PDE6C: variants seen among roughly 807,000 people sequenced by gnomAD.
The protein encoded by PDE6C is phosphodiesterase 6C, also known as cone cGMP-specific 3',5'-cyclic phosphodiesterase subunit alpha'.
PDE6C carries 75 observed loss-of-function variants against 113.1 expected under a neutral mutation model. That is an observed-to-expected ratio of 0.66 (90% CI 0.55 to 0.80). The LOEUF (loss-of-function observed/expected upper bound fraction) is 0.80, where lower values mean the gene tolerates loss of function less well. PDE6C is among the 30% of genes least tolerant of loss of function. The pLI, the probability that PDE6C is intolerant of heterozygous loss-of-function variation, is 0.00. For synonymous variants in PDE6C, 375 were observed against 363.7 expected (o/e 1.03, Z -0.35); for missense variants, 912 against 1,038.6 (o/e 0.88, Z 1.67).
chr10:93,626,552 G>T lies in PDE6C; in HGVS notation c.940-88G>T, dbSNP rs1324208657. On this transcript the variant is annotated intron_variant, in intron 5 of 21. Transcript: ENST00000371447. Reference sequence around the variant, plus strand: ...GTGGTTGGGAAATAAGGTTCTATTTGTAAGAGTTTTAAAGTACAAGTTCCC... The same window carrying T: ...GTGGTTGGGAAATAAGGTTCTATTTTTAAGAGTTTTAAAGTACAAGTTCCC... 22 of 753,258 alleles carry T rather than the reference G, an allele frequency of 2.9e-5. No individual in the cohort carries two copies. The East Asian group carries it at 5.3e-4, about 18-fold the overall frequency. The allele number at this position is 753,258 out of a possible 1,614,324, so 46.7% of individuals were successfully genotyped here.
At chr10:93,658,454 C>G (rs1478164259) in intron 16 of PDE6C, among the ~76,000 whole-genome samples, 2 of 151,788 alleles carry the variant, frequency 1.3e-5, no homozygotes, top group South Asian at 2.1e-4. Context: ...GTTATGGTCT[C>G]TTTTCTCATA....
chr10:93,654,497 G>A (rs1268839790), intron 15 of PDE6C, among the ~76,000 whole-genome samples: 1 of 152,208 alleles, frequency 6.6e-6, no homozygotes, highest in Non-Finnish European at 1.5e-5. Flanking sequence ...CTGGTAGGTA[G>A]TAAGAACTAA....
chr10:93,654,818 T>TTTCTTTC (rs2058628894), intron 15 of PDE6C, among the ~76,000 whole-genome samples: 1 of 126,346 alleles, frequency 7.9e-6, no homozygotes, highest in African/African-American at 2.9e-5. Context: ...TTCTTTTTTT[T>TTTCTTTC]TTTTTTTGAA....
chr10:93,638,960 C>T (rs1344010896), intron 11 of PDE6C, among the ~76,000 whole-genome samples: 1 of 152,174 alleles, frequency 6.6e-6, no homozygotes, highest in African/African-American at 2.4e-5. Flanking sequence ...GCATGGCTGT[C>T]CCCTGAAAAA....
intron 2 of PDE6C, 53 bp from the exon 3 acceptor site, chr10:93,620,838 T>C (rs878873376): frequency 3.1e-6 from 5 of 1,612,962 alleles, no homozygotes; most frequent in Middle Eastern, 1.7e-4. Context: ...ATTTGTTGTA[T>C]AACCAAAGAA....
At chr10:93,635,346 G>A (rs1254342823) in intron 9 of PDE6C, 151 bp from the exon 10 acceptor site, 1 of 650,496 alleles carries the variant, frequency 1.5e-6, no homozygotes, top group Non-Finnish European at 2.7e-6. Flanking sequence ...ATTGTCTGAA[G>A]CTGATTATTA....
intron 15 of PDE6C, among the ~76,000 whole-genome samples, chr10:93,652,148 C>T (rs993575123): frequency 6.6e-6 from 1 of 151,968 alleles, no homozygotes. Context: ...ATAAGAAAAA[C>T]GAGGTGAGCA....
At chr10:93,658,854 C>G (rs374151959) in intron 16 of PDE6C, 47 bp from the exon 17 acceptor site, 1 of 1,124,622 alleles carries the variant, frequency 8.9e-7, no homozygotes. Context: ...TATTTTTTCT[C>G]TCTTTTCATA....
rs2058556639 is a variant in PDE6C, at chr10:93,640,941, T to C, written c.1759T>C (p.Tyr587His). 9.3e-6 allele frequency: 15 copies of C among 1,608,964 alleles called. No homozygotes were observed. The highest frequency in any genetic ancestry group is 1.3e-5 in the Non-Finnish European group (15 of 1,175,316). Residue 587 changes from tyrosine (Y) to histidine (H), a missense_variant, in exon 14 of 22, where the codon TAC becomes CAC. Transcript: ENST00000371447. Reference sequence around the variant, plus strand: ...TTAGACAGGAAGATTAAAGAAGTACTACACAGATCTCGAAGCCTTTGCCAT... The same window carrying C: ...TTAGACAGGAAGATTAAAGAAGTACCACACAGATCTCGAAGCCTTTGCCAT... Reference protein sequence around the residue: ...LLMTGRLKKYYTDLEAFAMLA... With the variant: ...LLMTGRLKKYHTDLEAFAMLA...
At chr10:93,640,669 C>T in intron 13 of PDE6C, 112 bp downstream of exon 13, 2 of 837,654 alleles carry the variant, frequency 2.4e-6, no homozygotes. Context: ...ATTCAGGGCA[C>T]AAACCCCTCT....
chr10:93,627,157 G>A (rs2058477105), intron 7 of PDE6C, among the ~76,000 whole-genome samples: 1 of 150,570 alleles, frequency 6.6e-6, no homozygotes, highest in Non-Finnish European at 1.5e-5. Flanking sequence ...AGCTACTTGG[G>A]AGGCTGAGGC....
rs1320768453 is a variant in PDE6C, at chr10:93,655,869, A to G, written c.2036+9A>G. 1.5e-6 allele frequency: 2 copies of G among 1,337,762 alleles called. No individual in the cohort carries two copies. Among genetic ancestry groups the G allele is most frequent in the Non-Finnish European group, 2.2e-6 (2 of 927,844 alleles). 82.9% of individuals were successfully genotyped at this position (1,337,762 alleles called of 1,614,324 possible). On this transcript the variant is annotated intron_variant, in intron 16 of 21. Transcript: ENST00000371447. ...CTGGCTTTATATTTCAAGTAAGTAC[A>G]TAACTCTGCACAGTGGAATGCCCTA...
intron 1 of PDE6C, among the ~76,000 whole-genome samples, chr10:93,615,822 G>A (rs2058417131): frequency 6.6e-6 from 1 of 152,170 alleles, no homozygotes; most frequent in African/African-American, 2.4e-5. Context: ...AGATGGAAGG[G>A]GCTTATGAAG....
chr10:93,649,575 T>C (rs981739853), intron 15 of PDE6C, among the ~76,000 whole-genome samples: 3 of 152,168 alleles, frequency 2.0e-5, no homozygotes, highest in Non-Finnish European at 4.4e-5. Flanking sequence ...ATCAACTTCA[T>C]TGAAGTATAT....
At chr10:93,655,718 C>A in intron 15 of PDE6C, 42 bp from the exon 16 acceptor site, 1 of 969,202 alleles carries the variant, frequency 1.0e-6, no homozygotes, top group Non-Finnish European at 1.7e-6. Context: ...TGTTCAGAGG[C>A]AAATTATTGA....
chr10:93,643,630 A>T (rs958454576), intron 14 of PDE6C, among the ~76,000 whole-genome samples: 2 of 151,614 alleles, frequency 1.3e-5, no homozygotes, highest in African/African-American at 4.8e-5. Context: ...GGCTCAAGCA[A>T]TCCTCCTGCC....
intron 13 of PDE6C, 144 bp downstream of exon 13, chr10:93,640,701 A>G: frequency 2.7e-6 from 2 of 745,482 alleles, no homozygotes; most frequent in South Asian, 1.4e-5. Flanking sequence ...GAGTCCCAGT[A>G]TCCTTGAGCA....
chr10:93,613,277 G>C (rs1335866198), intron 1 of PDE6C, 72 bp downstream of exon 1: 23 of 1,591,100 alleles, frequency 1.4e-5, no homozygotes, highest in Non-Finnish European at 1.7e-6. Context: ...AAGAGAGATA[G>C]TGCTATCCTT....
At chr10:93,639,872 A>G (rs1241263325) in intron 11 of PDE6C, among the ~76,000 whole-genome samples, 198 bp from the exon 12 acceptor site, 1 of 152,194 alleles carries the variant, frequency 6.6e-6, no homozygotes, top group Non-Finnish European at 1.5e-5. Context: ...TCACCTGTAA[A>G]ATGGAGATAA....
Sources: gnomAD v4.1 joint callset for allele counts (sites outside exome capture counted in the v4.1 genomes callset) on GRCh38, gnomAD v4.1.1 for gene constraint, MANE v1.5 for transcripts, NCBI Gene and HGNC (gene_info 2026-07-23, HGNC 2026-07-21) for gene names.